The following CEP128 variants were observed in gnomAD, a reference collection of about 807,000 sequenced individuals.
CEP128 encodes centrosomal protein 128kDa.
A neutral mutation model predicts 156.7 loss-of-function variants in CEP128; 132 were observed. The observed-to-expected ratio is 0.84, with a 90% CI of 0.73 to 0.97. The LOEUF is 0.97. CEP128 is among the 50% of genes least tolerant of loss of function. CEP128 has a pLI of 0.00. For synonymous variants in CEP128, 469 were observed against 448.9 expected (o/e 1.04, Z -0.57); for missense variants, 1,252 against 1,281.9 (o/e 0.98, Z 0.36).
chr14:80,819,126 T>C (rs1381213538), intron 13 of CEP128, among the ~76,000 whole-genome samples: 1 of 152,042 alleles, frequency 6.6e-6, no homozygotes, highest in Non-Finnish European at 1.5e-5. Flanking sequence ...AAGATCTGAA[T>C]ACTATCTTGC....
intron 19 of CEP128, among the ~76,000 whole-genome samples, chr14:80,684,859 C>T (rs376056753): frequency 6.6e-6 from 1 of 152,040 alleles, no homozygotes; most frequent in East Asian, 1.9e-4. Flanking sequence ...ACGATCATCT[C>T]AATAAATGTG....
chr14:80,539,524 A>G (rs2218781), intron 21 of CEP128, among the ~76,000 whole-genome samples: 150,029 of 152,288 alleles, frequency 0.99, 73,934 homozygotes, highest in Middle Eastern at 1. Flanking sequence ...CATTATCTTC[A>G]TAAGCTGAGG....
At chr14:80,944,339 TG>T (rs1310214191), upstream of CEP128, among the ~76,000 whole-genome samples, 1 of 152,150 alleles carries the variant, frequency 6.6e-6, no homozygotes, top group Non-Finnish European at 1.5e-5. Flanking sequence ...GATTAGGTCA[TG>T]GGGCAGTTCC....
chr14:80,905,924 TA>T lies in CEP128; in HGVS notation c.361+30del, dbSNP rs753890243. The stretch of plus-strand genomic sequence containing the variant: ...TCAATATCTACTTCAAAAATATTTT[TA>T]ATGTTTTTCAGAACATTTGAAGTGT... On this transcript the variant is annotated intron_variant, in intron 5 of 24. Transcript: ENST00000555265. The T allele has an allele frequency of 1.9e-6, 3 of 1,602,514 alleles. No homozygotes were observed. In the Admixed American group the frequency reaches 5.2e-5, roughly 28 times the overall value.
At chr14:80,764,351 T>C (rs1244110348) in intron 16 of CEP128, among the ~76,000 whole-genome samples, 1 of 150,322 alleles carries the variant, frequency 6.7e-6, no homozygotes, top group Admixed American at 6.6e-5. Context: ...ACAAAAAAAT[T>C]AGCCGGGCGC....
At chr14:80,656,850 T>C (rs1895193629) in intron 19 of CEP128, among the ~76,000 whole-genome samples, 1 of 152,218 alleles carries the variant, frequency 6.6e-6, no homozygotes, top group Non-Finnish European at 1.5e-5. Context: ...ACCTTTCTTA[T>C]CCTGGCCTAA....
rs200682073 is a variant in CEP128 at position 80,894,428 on chromosome 14, C to T, written c.645+1290G>A. ...CTACTGCAATTAACTAAGAAAAGCA[C>T]CAATCTGTTAATCTCAGAAAAGTCC... On this transcript the variant is annotated intron_variant, in intron 8 of 24. Transcript: ENST00000555265. 9.3e-5 allele frequency: 32 copies of T among 345,878 alleles called. No homozygotes were observed. In the East Asian group the frequency reaches 9.7e-4, roughly 10 times the overall value. The allele number at this position is 345,878 out of a possible 1,614,324, so 21.4% of individuals were successfully genotyped here.
intron 19 of CEP128, among the ~76,000 whole-genome samples, chr14:80,705,300 G>T (rs1897204802): frequency 6.6e-6 from 1 of 151,524 alleles, no homozygotes; most frequent in Non-Finnish European, 1.5e-5. Context: ...GTGTGTGTGT[G>T]TTTTGTTTTT....
upstream of CEP128, chr14:80,945,843 G>A (rs1886327592): frequency 6.6e-6 from 1 of 152,206 alleles, no homozygotes; most frequent in African/African-American, 2.4e-5. Flanking sequence ...GAGCCCAAGA[G>A]AATACAGCCC....
At chr14:80,745,671 A>G (rs1008326398) in intron 18 of CEP128, among the ~76,000 whole-genome samples, 2 of 152,162 alleles carry the variant, frequency 1.3e-5, no homozygotes, top group African/African-American at 4.8e-5. Context: ...AAAAGTCTGA[A>G]TGCTTTCTCA....
At chr14:80,657,370 G>C (rs544523721) in intron 19 of CEP128, among the ~76,000 whole-genome samples, 1 of 152,018 alleles carries the variant, frequency 6.6e-6, no homozygotes, top group Non-Finnish European at 1.5e-5. Flanking sequence ...CTTCTCAGGG[G>C]GCTGAGCACG....
intron 14 of CEP128, among the ~76,000 whole-genome samples, chr14:80,484,253 T>C (rs776220014): frequency 2.9e-4 from 44 of 152,212 alleles, no homozygotes; most frequent in African/African-American, 1.9e-4. Flanking sequence ...GCTGGAATTA[T>C]AGGCGTGAGC....
chr14:80,527,108 T>C, intron 22 of CEP128, 126 bp from the exon 23 acceptor site: 1 of 578,676 alleles, frequency 1.7e-6, no homozygotes, highest in Admixed American at 3.0e-5. Context: ...AATTTAGAGA[T>C]ATATAGGAGA....
At chr14:80,703,247 C>A (rs1294516655) in intron 19 of CEP128, among the ~76,000 whole-genome samples, 1 of 151,980 alleles carries the variant, frequency 6.6e-6, no homozygotes, top group African/African-American at 2.4e-5. Context: ...TATAAAAGGA[C>A]CCTTCTCAGC....
intron 13 of CEP128, among the ~76,000 whole-genome samples, chr14:80,811,519 T>C (rs762922503): frequency 1.3e-5 from 2 of 152,220 alleles, no homozygotes; most frequent in Non-Finnish European, 2.9e-5. Context: ...CTAATGGATG[T>C]TGAATTTTCA....
chr14:80,891,654 A>C (rs1445268153), intron 8 of CEP128, among the ~76,000 whole-genome samples: 2 of 151,984 alleles, frequency 1.3e-5, no homozygotes, highest in African/African-American at 2.4e-5. Context: ...ACCATAGTCA[A>C]TATGAATTTA....
intron 2 of CEP128, chr14:80,957,832 G>T (rs1162830807): frequency 6.6e-6 from 1 of 152,224 alleles, no homozygotes; most frequent in Non-Finnish European, 1.5e-5. Flanking sequence ...TCAACTAGGT[G>T]CTTTCTAGGT....
intron 19 of CEP128, among the ~76,000 whole-genome samples, chr14:80,619,994 G>T (rs1310831853): frequency 6.6e-6 from 1 of 151,952 alleles, no homozygotes; most frequent in Non-Finnish European, 1.5e-5. Context: ...GCATGGTGGT[G>T]GGCGCCTGTA....
intron 21 of CEP128, among the ~76,000 whole-genome samples, chr14:80,554,473 T>C (rs567946548): frequency 2.0e-5 from 3 of 152,186 alleles, no homozygotes; most frequent in East Asian, 1.9e-4. Context: ...GTAGAACTTA[T>C]GTATAAAATT....
Sources: gnomAD v4.1 joint callset for allele counts (sites outside exome capture counted in the v4.1 genomes callset) on GRCh38, gnomAD v4.1.1 for gene constraint, MANE v1.5 for transcripts, NCBI Gene and HGNC (gene_info 2026-07-23, HGNC 2026-07-21) for gene names.